Variants in NCAM1 observed in about 807,000 individuals in gnomAD.
The protein encoded by NCAM1 is neural cell adhesion molecule 1.
A neutral mutation model predicts 109.8 loss-of-function variants in NCAM1; 14 were observed. That is an observed-to-expected ratio of 0.13 (90% CI 0.08 to 0.20). The LOEUF is 0.20. Ranked by LOEUF, NCAM1 falls within the 10% of genes least tolerant of loss-of-function variation. The probability of loss-of-function intolerance (pLI) is 1.00; values close to 1 mark genes in which losing one functional copy is unlikely to be tolerated. For missense variants in NCAM1, 774 were observed against 1,109.9 expected (o/e 0.70, Z 4.30); for synonymous variants, 418 against 442.9 (o/e 0.94, Z 0.70).
chr11:113,216,444 G>A (rs1261779182), intron 8 of NCAM1, among the ~76,000 whole-genome samples: 5 of 152,162 alleles, frequency 3.3e-5, no homozygotes, highest in Admixed American at 6.5e-5. Flanking sequence ...GAGCCACCGC[G>A]CCCGGCCGAT....
intron 1 of NCAM1, among the ~76,000 whole-genome samples, chr11:113,171,894 G>T (rs1431863487): frequency 2.6e-5 from 4 of 152,104 alleles, no homozygotes; most frequent in African/African-American, 7.2e-5. Flanking sequence ...AGTTCTACTG[G>T]AATAGGATCG....
At chr11:113,271,953 C>T (rs1591478081) in intron 19 of NCAM1, 77 bp downstream of exon 19, 5 of 1,130,018 alleles carry the variant, frequency 4.4e-6, no homozygotes, top group Admixed American at 2.3e-5. Context: ...CCCCACCTCC[C>T]GTGCCCCTAC....
chr11:113,134,637 C>G (rs1308305731), intron 1 of NCAM1, among the ~76,000 whole-genome samples: 1 of 152,140 alleles, frequency 6.6e-6, no homozygotes, highest in African/African-American at 2.4e-5. Flanking sequence ...TCCTATAACC[C>G]AGCATCCTTT....
chr11:113,079,194 A>G (rs1938673332), intron 1 of NCAM1, among the ~76,000 whole-genome samples: 2 of 152,210 alleles, frequency 1.3e-5, no homozygotes, highest in African/African-American at 4.8e-5. Context: ...ATACACCTAC[A>G]TAGTGTTGAT....
chr11:113,002,376 T>C (rs1951777363), intron 1 of NCAM1, among the ~76,000 whole-genome samples: 1 of 152,234 alleles, frequency 6.6e-6, no homozygotes, highest in Admixed American at 6.5e-5. Context: ...TCCTGTTTAA[T>C]TGAATCTTAT....
chr11:113,048,206 T>A (rs1565404411), intron 1 of NCAM1, among the ~76,000 whole-genome samples: 1 of 152,130 alleles, frequency 6.6e-6, no homozygotes, highest in Admixed American at 6.5e-5. Flanking sequence ...AGGAGGGAAA[T>A]AGACTATTTG....
intron 1 of NCAM1, among the ~76,000 whole-genome samples, chr11:113,196,632 T>G (rs1943862832): frequency 6.6e-6 from 1 of 152,232 alleles, no homozygotes; most frequent in Non-Finnish European, 1.5e-5. Flanking sequence ...TGTTTTTCCC[T>G]GTTTTACAGA....
intron 1 of NCAM1, among the ~76,000 whole-genome samples, chr11:113,125,106 A>G (rs1591347765): frequency 6.6e-6 from 1 of 152,224 alleles, no homozygotes; most frequent in Non-Finnish European, 1.5e-5. Flanking sequence ...TTAGAGCAAT[A>G]TAGGATGCCA....
chr11:112,993,200 CA>C (rs2134854729), intron 1 of NCAM1, among the ~76,000 whole-genome samples: 1 of 152,258 alleles, frequency 6.6e-6, no homozygotes, highest in Admixed American at 6.5e-5. Context: ...ACAGGAAGCA[CA>C]GTACTGGCAT....
chr11:113,075,348 G>T (rs73006860), intron 1 of NCAM1, among the ~76,000 whole-genome samples: 3,914 of 152,248 alleles, frequency 0.026, 82 homozygotes, highest in Non-Finnish European at 0.043. Flanking sequence ...GAGATTACAG[G>T]TGTGAACTAC....
chr11:113,023,237 C>G (rs181317903), intron 1 of NCAM1, among the ~76,000 whole-genome samples: 2 of 152,308 alleles, frequency 1.3e-5, no homozygotes, highest in Admixed American at 6.5e-5. Flanking sequence ...TGTTGAAGCT[C>G]TTATTAGAAT....
At chr11:113,255,248 C>G (rs947077562) in intron 15 of NCAM1, among the ~76,000 whole-genome samples, 1 of 152,130 alleles carries the variant, frequency 6.6e-6, no homozygotes, top group Non-Finnish European at 1.5e-5. Flanking sequence ...AGGATACTTA[C>G]AAAAAACTTG....
rs139688613 is a variant in NCAM1 at position 112,984,535 on chromosome 11, T to C, written c.52+22871T>C. On this transcript the variant is annotated intron_variant, in intron 1 of 19. Coordinates refer to ENST00000316851, the MANE Select transcript of NCAM1 (RefSeq NM_181351.5). The stretch of plus-strand genomic sequence containing the variant: ...CCAACAGTGTACAAGGGTTCCCATT[T>C]CTCTACATGGCTACCCACACTTGTT... 2.2e-3 allele frequency among the ~76,000 whole-genome samples: 331 copies of C among 152,080 alleles called. 7 individuals carry two copies. The highest frequency in any genetic ancestry group is 0.016 in the East Asian group (80 of 5,160).
chr11:113,015,979 G>A (rs946792026), intron 1 of NCAM1, among the ~76,000 whole-genome samples: 4 of 152,154 alleles, frequency 2.6e-5, no homozygotes, highest in Non-Finnish European at 5.9e-5. Context: ...TGTCGAGTGG[G>A]CTTTGTAGGA....
At chr11:112,967,277 T>C (rs1429769902) in intron 1 of NCAM1, among the ~76,000 whole-genome samples, 2 of 152,214 alleles carry the variant, frequency 1.3e-5, no homozygotes, top group Non-Finnish European at 2.9e-5. Context: ...TGTCACACTG[T>C]TTGAGATTGT....
At chr11:113,125,408 A>G (rs1327447526) in intron 1 of NCAM1, among the ~76,000 whole-genome samples, 1 of 152,256 alleles carries the variant, frequency 6.6e-6, no homozygotes, top group Non-Finnish European at 1.5e-5. Flanking sequence ...GTTGTAGATA[A>G]ATCAATAGAA....
intron 1 of NCAM1, among the ~76,000 whole-genome samples, chr11:112,976,642 C>T (rs12278463): frequency 0.01 from 1,521 of 151,852 alleles, 25 homozygotes; most frequent in African/African-American, 0.034. Context: ...TCTATAAAAC[C>T]TGAAGGTATG....
Position 113,145,735 on chromosome 11 carries a change from T to C in NCAM1, c.53-56644T>C, listed in dbSNP as rs547199306. Reference sequence around the variant, plus strand: ...TCAGAATGGCATTATCCTTGTGTGATTGGGAGCATGGACCCCACCCCACCC... The same window carrying C: ...TCAGAATGGCATTATCCTTGTGTGACTGGGAGCATGGACCCCACCCCACCC... On this transcript the variant is annotated intron_variant, in intron 1 of 19. Coordinates refer to ENST00000316851, the MANE Select transcript of NCAM1 (RefSeq NM_181351.5). Among the ~76,000 whole-genome samples the C allele has an allele frequency of 3.3e-4, 50 of 152,316 alleles. 1 individual carries two copies. In the East Asian group the frequency reaches 3.5e-3, roughly 11 times the overall value.
chr11:113,112,989 A>T (rs1459208416), intron 1 of NCAM1, among the ~76,000 whole-genome samples: 3 of 152,040 alleles, frequency 2.0e-5, no homozygotes, highest in Non-Finnish European at 4.4e-5. Flanking sequence ...AAAATTAGAC[A>T]GGCATGGGGG....
Sources: gnomAD v4.1 joint callset for allele counts (sites outside exome capture counted in the v4.1 genomes callset) on GRCh38, gnomAD v4.1.1 for gene constraint, MANE v1.5 for transcripts, NCBI Gene and HGNC (gene_info 2026-07-23, HGNC 2026-07-21) for gene names.